Variants in CASP10 observed in about 807,000 individuals in gnomAD.
CASP10 encodes the protein caspase-10.
CASP10 carries 41 observed loss-of-function variants against 48.5 expected under a neutral mutation model. The ratio of observed to expected loss-of-function variants is 0.85; its 90% CI spans 0.66 to 1.10. The LOEUF (loss-of-function observed/expected upper bound fraction) is 1.10. Among genes scored for constraint, CASP10 ranks in the 50% least tolerant of loss-of-function variants. CASP10 has a pLI of 0.00. For synonymous variants in CASP10, 232 were observed against 238.4 expected (o/e 0.97, Z 0.25); for missense variants, 614 against 614.5 (o/e 1.00, Z 0.01).
chr2:201,213,902 G>C (rs926510936), intron 9 of CASP10: 1 of 152,202 alleles, frequency 6.6e-6, no homozygotes, highest in African/African-American at 2.4e-5. Context: ...TATATGTTCT[G>C]TCAGAGGGCT....
chr2:201,208,718 G>A (rs1437408980), intron 8 of CASP10, among the ~76,000 whole-genome samples: 1 of 151,580 alleles, frequency 6.6e-6, no homozygotes, highest in African/African-American at 2.4e-5. Flanking sequence ...TTGCTCTGTT[G>A]CCCAGGCTGG....
Position 201,186,125 on chromosome 2 carries a change from G to A in CASP10, c.347+1G>A. The stretch of plus-strand genomic sequence containing the variant: ...CCCGACAAAGGGTTTCTCTGTTTAG[G>A]TGAGGACGGGTCTGTGGTGGAGATG... On this transcript the variant is annotated splice_donor_variant, in intron 2 of 9. Coordinates refer to ENST00000286186, the MANE Select transcript of CASP10 (RefSeq NM_032977.4). LOFTEE classifies it high-confidence loss of function. 1 of 1,608,220 alleles carries A rather than the reference G, an allele frequency of 6.2e-7. No homozygotes were observed. Among genetic ancestry groups the A allele is most frequent in the South Asian group, 1.1e-5 (1 of 90,886 alleles).
intron 9 of CASP10, among the ~76,000 whole-genome samples, chr2:201,215,176 T>G (rs529725229): frequency 4.6e-5 from 7 of 151,328 alleles, no homozygotes; most frequent in African/African-American, 1.7e-4. Flanking sequence ...AATTTGCAAA[T>G]TTTTTTCCTA....
intron 9 of CASP10, among the ~76,000 whole-genome samples, chr2:201,211,001 T>C (rs1374607707): frequency 1.3e-5 from 2 of 152,218 alleles, no homozygotes; most frequent in Non-Finnish European, 2.9e-5. Flanking sequence ...TATAATTTGA[T>C]GTTTCAATAC....
chr2:201,226,050 T>C (rs1237453318), downstream of CASP10, among the ~76,000 whole-genome samples: 1 of 152,184 alleles, frequency 6.6e-6, no homozygotes, highest in Non-Finnish European at 1.5e-5. Context: ...ATAAAGGAGA[T>C]ATATGTACAT....
intron 7 of CASP10, 118 bp from the exon 8 acceptor site, chr2:201,207,957 T>G: frequency 1.4e-6 from 1 of 740,620 alleles, no homozygotes; most frequent in Non-Finnish European, 2.5e-6. Context: ...TTTAAACAAC[T>G]GGCATGGGGA....
rs1417720189 is a variant in CASP10 at position 201,195,921 on chromosome 2, T to A, written c.657T>A (p.Asp219Glu). ...QGEEELVSQT[D>E]VKTFLEALPQ... ...AGGAAGAACTAGTTTCCCAAACAGA[T>A]GTTAAGACATTCTTGGAAGCCTTAC... The change falls in exon 5 of 10, where the codon GAT becomes GAA. Residue 219 changes from aspartate to glutamate, a missense_variant. Coordinates refer to ENST00000286186, the MANE Select transcript of CASP10 (RefSeq NM_032977.4). The A allele has an allele frequency of 3.1e-6, 5 of 1,613,880 alleles. No homozygotes were observed. In the Admixed American group the frequency reaches 8.3e-5, roughly 27 times the overall value.
chr2:201,192,405 A>ATAATAATAG (rs1944641783), intron 3 of CASP10, among the ~76,000 whole-genome samples: 1 of 151,530 alleles, frequency 6.6e-6, no homozygotes, highest in Admixed American at 6.6e-5. Flanking sequence ...AATAATAATA[A>ATAATAATAG]TAATAATAAT....
intron 5 of CASP10, 72 bp downstream of exon 5, chr2:201,196,020 C>A: frequency 7.9e-6 from 8 of 1,015,208 alleles, no homozygotes; most frequent in African/African-American, 3.2e-5. Flanking sequence ...CCTGCCACCC[C>A]AAAAAAGAAA....
Position 201,221,281 on chromosome 2 carries a change from A to G in CASP10, c.*3540A>G, listed in dbSNP as rs950771076. The G allele has an allele frequency of 1.5e-5, 15 of 986,394 alleles. No individual in the cohort carries two copies. The highest frequency in any genetic ancestry group is 1.8e-5 in the Non-Finnish European group (15 of 830,610). 61.1% of individuals were successfully genotyped at this position (986,394 alleles called of 1,614,324 possible). On this transcript the variant is annotated 3_prime_UTR_variant, in exon 10 of 10. Coordinates refer to ENST00000286186, the MANE Select transcript of CASP10 (RefSeq NM_032977.4). ...CTCTTGACTCTGAGTTCAGTTGGAC[A>G]AAATGCTGTTGATAAAACCTCCTGT...
At chr2:201,226,782 C>T (rs559861184) in intron 9 of CASP10, among the ~76,000 whole-genome samples, 7 of 152,012 alleles carry the variant, frequency 4.6e-5, no homozygotes, top group Non-Finnish European at 1.0e-4. Context: ...TAAAGGAATA[C>T]TATCAAGTAG....
In CASP10 at chr2:201,212,757, G is replaced by T. The variant is rs532963267; in HGVS notation, c.1415+3195G>T. 2.6e-5 allele frequency: 4 copies of T among 152,288 alleles called. No homozygotes were observed. In the South Asian group the frequency reaches 8.3e-4, roughly 32 times the overall value. The allele number at this position is 152,288 out of a possible 1,614,324, so 9.4% of individuals were successfully genotyped here. On this transcript the variant is annotated intron_variant, in intron 9 of 9. Coordinates refer to ENST00000286186, the MANE Select transcript of CASP10 (RefSeq NM_032977.4). ...TATTTGAAAAACTGATTAATGTTCA[G>T]ATCTGCCTTCATATATCATATTGAG...
intron 9 of CASP10, chr2:201,213,021 A>C (rs571319699): frequency 2.0e-5 from 3 of 152,180 alleles, no homozygotes; most frequent in Non-Finnish European, 2.9e-5. Context: ...GGGTTGATAA[A>C]GGTAATAATA....
Position 201,220,795 on chromosome 2 carries a change from TAGTGGTCAC to T in CASP10, c.*3058_*3066del. 1 of 985,462 alleles carries T rather than the reference TAGTGGTCAC, an allele frequency of 1.0e-6. No homozygotes were observed. The allele number at this position is 985,462 out of a possible 1,614,324, so 61.0% of individuals were successfully genotyped here. A position where few individuals can be genotyped will look rare whatever the true frequency, so the allele number is the denominator to read the frequency against. On this transcript the variant is annotated 3_prime_UTR_variant, in exon 10 of 10. Coordinates refer to ENST00000286186, the MANE Select transcript of CASP10 (RefSeq NM_032977.4). ...GTTCATAACAGTCAGGGCCAAAAGC[TAGTGGTCAC>T]AGTCCTTGTCCAGTTGGCAGAACTG...
At chr2:201,189,270 A>ATT (rs35733718) in intron 3 of CASP10, among the ~76,000 whole-genome samples, 3 of 121,604 alleles carry the variant, frequency 2.5e-5, no homozygotes, top group Admixed American at 8.3e-5. Flanking sequence ...TCTTTCAGTT[A>ATT]TTTTTTTTTT....
At position 201,217,596 on chromosome 2, in the gene CASP10, A is replaced by G. The variant is rs757652360; in HGVS notation, c.1424A>G (p.Asp475Gly). Residue 475 changes from aspartate to glycine, a missense_variant, in exon 10 of 10, where the codon GAC (aspartate) becomes GGC (glycine). Transcript: ENST00000286186. ...HLKKLVPRHE[D>G]ILSILTAVND... ...TTTCTTCTTTGTTGCAGACATGAAGACATCTTATCCATCCTCACTGCTGTC... is the reference window on the plus strand; with the variant it reads ...TTTCTTCTTTGTTGCAGACATGAAGGCATCTTATCCATCCTCACTGCTGTC... The G allele has an allele frequency of 6.2e-7, 1 of 1,613,384 alleles. No homozygotes were observed.
intron 2 of CASP10, among the ~76,000 whole-genome samples, chr2:201,187,419 G>A (rs1576065343): frequency 6.6e-6 from 1 of 151,636 alleles, no homozygotes; most frequent in Non-Finnish European, 1.5e-5. Context: ...TCAGAATTGT[G>A]TTTTATGCCT....
At chr2:201,206,008 A>G in intron 7 of CASP10, 35 bp downstream of exon 7, 1 of 1,456,112 alleles carries the variant, frequency 6.9e-7, no homozygotes, top group Non-Finnish European at 9.6e-7. Context: ...TTTTTAATAA[A>G]AAAATTTTTT....
rs767448689 is a variant in CASP10 at position 201,203,753 on chromosome 2, T to C, written c.708T>C (p.His236=). Residue 236 remains histidine, a synonymous_variant, in exon 6 of 10, where the codon CAT becomes CAC. Coordinates refer to ENST00000286186, the MANE Select transcript of CASP10 (RefSeq NM_032977.4). ...ALPQESWQNK[H]AGSNGNRATN... is the part of the protein sequence containing the mutation. ...AGCAGGAGTCCTGGCAAAATAAGCATGCAGGTAGTAATGGTAGGTATTTCT... is the reference window on the plus strand; with the variant it reads ...AGCAGGAGTCCTGGCAAAATAAGCACGCAGGTAGTAATGGTAGGTATTTCT... The C allele has an allele frequency of 1.1e-5, 17 of 1,613,632 alleles. No individual in the cohort carries two copies. Among genetic ancestry groups the C allele is most frequent in the Non-Finnish European group, 1.4e-5 (16 of 1,179,524 alleles).
Sources: gnomAD v4.1 joint callset for allele counts (sites outside exome capture counted in the v4.1 genomes callset) on GRCh38, gnomAD v4.1.1 for gene constraint, MANE v1.5 for transcripts, NCBI Gene and HGNC (gene_info 2026-07-23, HGNC 2026-07-21) for gene names.